The following MED27 variants were observed in gnomAD, a reference collection of about 807,000 sequenced individuals.
MED27 encodes mediator of RNA polymerase II transcription subunit 27.
MED27 carries 30 observed loss-of-function variants against 38.2 expected under a neutral mutation model. That is an observed-to-expected ratio of 0.79 (90% confidence interval 0.59 to 1.07). The LOEUF is 1.07. Among genes scored for constraint, MED27 ranks in the 50% least tolerant of loss-of-function variants. The pLI, the probability that MED27 is intolerant of heterozygous loss-of-function variation, is 0.00. For missense variants in MED27, 289 were observed against 397.5 expected (o/e 0.73, Z 2.32); for synonymous variants, 122 against 153.5 (o/e 0.79, Z 1.52).
At chr9:131,918,448 T>C (rs1311401879) in intron 4 of MED27, among the ~76,000 whole-genome samples, 2 of 152,250 alleles carry the variant, frequency 1.3e-5, no homozygotes, top group Non-Finnish European at 2.9e-5. Flanking sequence ...AGACAATGTA[T>C]ACCTAGTAAG....
At chr9:131,964,995 G>A (rs562088680) in intron 3 of MED27, among the ~76,000 whole-genome samples, 1 of 152,230 alleles carries the variant, frequency 6.6e-6, no homozygotes, top group South Asian at 2.1e-4. Flanking sequence ...CATTGTGTAT[G>A]CATTATGACT....
At chr9:131,910,886 C>G (rs1830175582) in intron 4 of MED27, among the ~76,000 whole-genome samples, 1 of 152,164 alleles carries the variant, frequency 6.6e-6, no homozygotes, top group Non-Finnish European at 1.5e-5. Context: ...TAATACAAAC[C>G]AGCAGACTTC....
At chr9:132,050,692 C>G (rs1188843495) in intron 2 of MED27, among the ~76,000 whole-genome samples, 2 of 152,212 alleles carry the variant, frequency 1.3e-5, no homozygotes, top group African/African-American at 2.4e-5. Flanking sequence ...GCTCTCCAGA[C>G]ACCACATGCA....
In MED27 at chr9:132,045,842, G is replaced by A. The variant is rs181997780; in HGVS notation, c.349-31375C>T. Among the ~76,000 whole-genome samples, 9 of 152,274 alleles carry A rather than the reference G, an allele frequency of 5.9e-5. No homozygotes were observed. In the East Asian group the frequency reaches 1.5e-3, roughly 26 times the overall value. ...AGAAGTGAACAAAATGTTATCTGTA[G>A]GTTCTGGGAAACCTCCTTAAAGCTC... is the stretch of plus-strand genomic sequence containing the variant. On this transcript the variant is annotated intron_variant, in intron 2 of 7. Transcript: ENST00000292035.
At chr9:131,933,961 G>A (rs1467061691) in intron 4 of MED27, among the ~76,000 whole-genome samples, 4 of 152,094 alleles carry the variant, frequency 2.6e-5, no homozygotes, top group African/African-American at 7.2e-5. Flanking sequence ...AGAGAGCCCA[G>A]AAACAAATCC....
In MED27 at chr9:131,889,068, T is replaced by C. The variant is rs1839185899; in HGVS notation, c.681+4817A>G. ...GTCATCTGAACAATTTCAAAGGCTA[T>C]AACAAATCAAAATGTTCCCTGCATC... On this transcript the variant is annotated intron_variant, in intron 5 of 7. Coordinates refer to ENST00000292035, the MANE Select transcript of MED27 (RefSeq NM_004269.4). This position sits in a 1 kb window ranked among gnomAD's most constrained non-coding sequence, Gnocchi z 4.2. 6.6e-6 allele frequency among the ~76,000 whole-genome samples: 1 copy of C among 152,210 alleles called. No homozygotes were observed. Among genetic ancestry groups the C allele is most frequent in the Admixed American group, 6.5e-5 (1 of 15,280 alleles).
chr9:131,985,005 T>C (rs1831818419), intron 3 of MED27, among the ~76,000 whole-genome samples: 1 of 152,128 alleles, frequency 6.6e-6, no homozygotes, highest in South Asian at 2.1e-4. Context: ...CATAGCAGGG[T>C]TTAATTTTGG....
In MED27 at chr9:132,050,817, C is replaced by T. The variant is rs1213835494; in HGVS notation, c.348+26625G>A. 2.6e-5 allele frequency among the ~76,000 whole-genome samples: 4 copies of T among 152,204 alleles called. No individual in the cohort carries two copies. In the East Asian group the frequency reaches 7.7e-4, roughly 29 times the overall value. On this transcript the variant is annotated intron_variant, in intron 2 of 7. Coordinates refer to ENST00000292035, the MANE Select transcript of MED27 (RefSeq NM_004269.4). ...CATGATTTATCACTACCTGCCATTG[C>T]TTTTATAGTTTTGTCTCCCCCGGCA... is the stretch of plus-strand genomic sequence containing the variant.
chr9:132,078,432 A>G (rs894769619), intron 1 of MED27, among the ~76,000 whole-genome samples: 1 of 152,146 alleles, frequency 6.6e-6, no homozygotes, highest in Non-Finnish European at 1.5e-5. Flanking sequence ...TCGGAGAGAA[A>G]ATGGAAAGAA....
intron 4 of MED27, among the ~76,000 whole-genome samples, chr9:131,920,222 A>C (rs1388558170): frequency 6.6e-6 from 1 of 152,196 alleles, no homozygotes; most frequent in African/African-American, 2.4e-5. Flanking sequence ...CTCCTCTCTA[A>C]CAGTGCAGTG....
chr9:131,916,787 T>C (rs1261973575), intron 4 of MED27, among the ~76,000 whole-genome samples: 1 of 152,172 alleles, frequency 6.6e-6, no homozygotes, highest in Admixed American at 6.5e-5. Flanking sequence ...CACAGCAATA[T>C]ATGATACTGT....
intron 4 of MED27, among the ~76,000 whole-genome samples, chr9:131,900,915 AAGAGAGAGGGAGAGGG>A (rs930621080): frequency 3.0e-4 from 46 of 151,002 alleles, no homozygotes; most frequent in Admixed American, 7.3e-4. Flanking sequence ...AGCAGAAAGA[AAGAGAGAGGGAGAGGG>A]AGAGAGAGGG....
At chr9:131,968,139 G>A (rs755913650) in intron 3 of MED27, among the ~76,000 whole-genome samples, 2 of 151,934 alleles carry the variant, frequency 1.3e-5, no homozygotes, top group Non-Finnish European at 2.9e-5. Flanking sequence ...TTATACTCAG[G>A]AATTAGAATG....
At chr9:132,077,181 G>T (rs1217109262) in intron 2 of MED27, among the ~76,000 whole-genome samples, 1 of 152,148 alleles carries the variant, frequency 6.6e-6, no homozygotes, top group African/African-American at 2.4e-5. Context: ...CATAAGAGTT[G>T]CTCCCTATAC....
chr9:132,032,442 G>C (rs1249377953), intron 2 of MED27, among the ~76,000 whole-genome samples: 1 of 152,114 alleles, frequency 6.6e-6, no homozygotes, highest in Non-Finnish European at 1.5e-5. Context: ...AAGAGCTGAA[G>C]TAAACCACTG....
chr9:132,017,785 A>G (rs1370384101), intron 2 of MED27, among the ~76,000 whole-genome samples: 1 of 152,174 alleles, frequency 6.6e-6, no homozygotes, highest in Admixed American at 6.5e-5. Context: ...GGATTTTTCT[A>G]TCAGTTCTCA....
chr9:131,976,599 C>G (rs921851811), intron 3 of MED27, among the ~76,000 whole-genome samples: 11 of 152,180 alleles, frequency 7.2e-5, no homozygotes, highest in African/African-American at 2.4e-4. Flanking sequence ...TGAATTTAAA[C>G]AAATACTGCC....
intron 4 of MED27, among the ~76,000 whole-genome samples, chr9:131,936,216 C>T (rs1830681929): frequency 1.3e-5 from 2 of 152,082 alleles, no homozygotes; most frequent in South Asian, 4.2e-4. Flanking sequence ...TCTTACTTGC[C>T]ACCAGCATGA....
At chr9:131,977,264 C>T (rs574623423) in intron 3 of MED27, among the ~76,000 whole-genome samples, 2 of 152,134 alleles carry the variant, frequency 1.3e-5, no homozygotes, top group African/African-American at 2.4e-5. Context: ...AAGGAAGTGG[C>T]GGCTCTGGAA....
Sources: gnomAD v4.1 joint callset for allele counts (sites outside exome capture counted in the v4.1 genomes callset) on GRCh38, gnomAD v4.1.1 for gene constraint, Gnocchi (gnomAD v3.1) non-coding constraint, MANE v1.5 for transcripts, NCBI Gene and HGNC (gene_info 2026-07-23, HGNC 2026-07-21) for gene names.